The following PAN3 variants were observed in gnomAD, a reference collection of about 807,000 sequenced individuals.
PAN3 encodes the protein poly(A) specific ribonuclease subunit PAN3.
PAN3 carries 19 observed loss-of-function variants against 96.2 expected under a neutral mutation model. The observed-to-expected ratio is 0.20, with a 90% CI of 0.14 to 0.29. The LOEUF (loss-of-function observed/expected upper bound fraction) is 0.29, where lower values mean the gene tolerates loss of function less well. Ranked by LOEUF, PAN3 falls within the 10% of genes least tolerant of loss-of-function variation. The probability of loss-of-function intolerance (pLI) is 1.00; values close to 1 mark genes in which losing one functional copy is unlikely to be tolerated. For missense variants in PAN3, 882 were observed against 1,108.1 expected (o/e 0.80, Z 2.90); for synonymous variants, 433 against 406.6 (o/e 1.06, Z -0.78).
rs771018812 is a variant in PAN3 at position 28,174,435 on chromosome 13, C to T, written c.552+42C>T. On this transcript the variant is annotated intron_variant, in intron 2 of 18. Transcript: ENST00000380958. ...TTCATATTGCACTATGAAGTTTATT[C>T]TAGGGCCAGAGGACATATAGAGTCT... is the stretch of plus-strand genomic sequence containing the variant. 3 of 1,593,812 alleles carry T rather than the reference C, an allele frequency of 1.9e-6. No homozygotes were observed. The East Asian group carries it at 6.8e-5, about 36-fold the overall frequency.
chr13:28,254,098 C>G (rs1234328305), intron 6 of PAN3, among the ~76,000 whole-genome samples: 3 of 152,174 alleles, frequency 2.0e-5, no homozygotes, highest in East Asian at 3.9e-4. Context: ...AGTAGTCACA[C>G]TAAAGCTAGT....
In PAN3 at chr13:28,277,339, ACAAT is replaced by A; in HGVS notation, c.2156_2159del (p.Ile719ThrfsTer6). On this transcript the variant is annotated frameshift_variant, in exon 15 of 19. Coordinates refer to ENST00000380958, the MANE Select transcript of PAN3 (RefSeq NM_175854.8). LOFTEE classifies it high-confidence loss of function. ...TTTACAGAAAGCCATGGAACTGGTG[ACAAT>A]CAACTATTCCTCTGACCTGAAGAAT... The A allele has an allele frequency of 6.2e-7, 1 of 1,613,298 alleles. No homozygotes were observed. The highest frequency in any genetic ancestry group is 8.5e-7 in the Non-Finnish European group (1 of 1,179,614).
intron 6 of PAN3, among the ~76,000 whole-genome samples, chr13:28,244,069 G>C (rs934913388): frequency 3.9e-5 from 6 of 152,060 alleles, no homozygotes; most frequent in South Asian, 2.1e-4. Flanking sequence ...TTTTATGTTC[G>C]AGGCATTTTT....
At chr13:28,139,478 CAG>C (rs927360181) in intron 1 of PAN3, among the ~76,000 whole-genome samples, 12 of 136,956 alleles carry the variant, frequency 8.8e-5, no homozygotes, top group African/African-American at 1.7e-4. Context: ...GTGGCGTCTG[CAG>C]AGTGTTGAGG....
Position 28,280,554 on chromosome 13 carries a change from AATT to A in PAN3, c.2319+14_2319+16del. ...AGACCTTGCAAAGGTAAAGAGTGTA[AATT>A]TTTTTTTTTTTTTTTTTTTTTTGAG... On this transcript the variant is annotated intron_variant, in intron 16 of 18. Transcript: ENST00000380958. The A allele has an allele frequency of 7.0e-7, 1 of 1,427,588 alleles. No individual in the cohort carries two copies. Among genetic ancestry groups the A allele is most frequent in the South Asian group, 1.4e-5 (1 of 72,788 alleles). 88.4% of individuals were successfully genotyped at this position (1,427,588 alleles called of 1,614,324 possible). A position where few individuals can be genotyped will look rare whatever the true frequency, so the allele number is the denominator to read the frequency against.
At chr13:28,275,986 T>C (rs1297751457) in intron 14 of PAN3, among the ~76,000 whole-genome samples, 1 of 152,212 alleles carries the variant, frequency 6.6e-6, no homozygotes, top group Non-Finnish European at 1.5e-5. Context: ...TTTTACTCAT[T>C]ATTTGGGTAG....
intron 1 of PAN3, among the ~76,000 whole-genome samples, chr13:28,159,440 G>A (rs192631003): frequency 1.4e-3 from 218 of 152,162 alleles, no homozygotes; most frequent in Admixed American, 2.4e-3. Flanking sequence ...AATAGACACC[G>A]GAGCCTTCTG....
chr13:28,179,670 C>T (rs7335379), intron 4 of PAN3, among the ~76,000 whole-genome samples: 2,837 of 150,394 alleles, frequency 0.019, 98 homozygotes, highest in African/African-American at 0.066. Context: ...TGCCACTGCA[C>T]TCCAGTCTGG....
At chr13:28,197,514 G>T (rs1477060640) in intron 5 of PAN3, among the ~76,000 whole-genome samples, 168 bp downstream of exon 5, 2 of 151,954 alleles carry the variant, frequency 1.3e-5, no homozygotes, top group Non-Finnish European at 1.5e-5. Flanking sequence ...CCAACTAAAT[G>T]ATTTTTTCTT....
At chr13:28,197,639 CT>C (rs1878219599) in intron 5 of PAN3, among the ~76,000 whole-genome samples, 1 of 152,038 alleles carries the variant, frequency 6.6e-6, no homozygotes, top group Non-Finnish European at 1.5e-5. Context: ...GTGGCACCAT[CT>C]TACCTCACTG....
intron 6 of PAN3, among the ~76,000 whole-genome samples, chr13:28,243,462 T>G (rs1211448430): frequency 6.6e-6 from 1 of 152,242 alleles, no homozygotes; most frequent in African/African-American, 2.4e-5. Flanking sequence ...TGTCTTCATT[T>G]GAATTACTTA....
At chr13:28,139,504 AGG>A (rs1491200466) in intron 1 of PAN3, among the ~76,000 whole-genome samples, 744 of 41,760 alleles carry the variant, frequency 0.018, 11 homozygotes, top group African/African-American at 0.076. Context: ...CCTAGTGGGG[AGG>A]GGTGTGTTTG....
chr13:28,199,812 T>C (rs1878490222), intron 5 of PAN3, among the ~76,000 whole-genome samples: 1 of 152,184 alleles, frequency 6.6e-6, no homozygotes, highest in African/African-American at 2.4e-5. Context: ...TTAAAAGAAT[T>C]GTGTCAGGAG....
chr13:28,151,848 T>G (rs1871403813), intron 1 of PAN3, among the ~76,000 whole-genome samples: 1 of 152,122 alleles, frequency 6.6e-6, no homozygotes, highest in African/African-American at 2.4e-5. Context: ...CTTTGAGAGA[T>G]ATATTAGCCA....
chr13:28,216,464 G>A (rs1169297198), intron 5 of PAN3, among the ~76,000 whole-genome samples: 1 of 152,136 alleles, frequency 6.6e-6, no homozygotes, highest in Non-Finnish European at 1.5e-5. Context: ...AAAGTTTTAA[G>A]TATGTGCAGT....
intron 15 of PAN3, among the ~76,000 whole-genome samples, chr13:28,277,898 C>A (rs1267917490): frequency 1.3e-5 from 2 of 152,144 alleles, no homozygotes; most frequent in African/African-American, 2.4e-5. Flanking sequence ...TGGAGACCCC[C>A]ATGCTTACAC....
At chr13:28,279,279 G>A (rs1305125552) in intron 15 of PAN3, among the ~76,000 whole-genome samples, 1 of 152,148 alleles carries the variant, frequency 6.6e-6, no homozygotes, top group African/African-American at 2.4e-5. Flanking sequence ...TCTCAGAAAT[G>A]AATATGTCAT....
intron 1 of PAN3, among the ~76,000 whole-genome samples, chr13:28,155,284 A>G (rs1382993505): frequency 6.6e-6 from 1 of 152,084 alleles, no homozygotes; most frequent in Non-Finnish European, 1.5e-5. Flanking sequence ...TAGGTATCAT[A>G]TAGATGTTGG....
At chr13:28,226,916 A>G (rs1882062476) in intron 6 of PAN3, among the ~76,000 whole-genome samples, 1 of 152,272 alleles carries the variant, frequency 6.6e-6, no homozygotes, top group Non-Finnish European at 1.5e-5. Context: ...TTTAGTTTGG[A>G]GATTGCTTTC....
Sources: gnomAD v4.1 joint callset for allele counts (sites outside exome capture counted in the v4.1 genomes callset) on GRCh38, gnomAD v4.1.1 for gene constraint, MANE v1.5 for transcripts, NCBI Gene and HGNC (gene_info 2026-07-23, HGNC 2026-07-21) for gene names.